The following CDK13 variants were observed in gnomAD, a reference collection of about 807,000 sequenced individuals.
CDK13 encodes cyclin dependent kinase 13.
In CDK13, 40 loss-of-function variants were observed where a neutral mutation model predicts 137.6. That is an observed-to-expected ratio of 0.29 (90% CI 0.23 to 0.38). The LOEUF (loss-of-function observed/expected upper bound fraction) is 0.38, where lower values mean the gene tolerates loss of function less well. Ranked by LOEUF, CDK13 falls within the 10% of genes least tolerant of loss-of-function variation. The pLI is 1.00. For synonymous variants in CDK13, 869 were observed against 760.1 expected, an observed-to-expected ratio of 1.14 and a Z score of -2.36; for missense variants, 1,704 against 1,951.8, an observed-to-expected ratio of 0.87 and a Z score of 2.39.
rs997041311 is a variant in CDK13, at chr7:40,021,150, C to T, written c.2353+19119C>T. On this transcript the variant is annotated intron_variant, in intron 5 of 13. Transcript: ENST00000181839. ...ACACACACACACACACACACACACA[C>T]ATAAAGTTTTAAGTCTGAAATTCCC... is the stretch of plus-strand genomic sequence containing the variant. 1.3e-4 allele frequency among the ~76,000 whole-genome samples: 19 copies of T among 150,560 alleles called. No individual in the cohort carries two copies. The South Asian group carries it at 1.9e-3, about 15-fold the overall frequency.
chr7:40,045,127 T>C (rs1413387987), intron 5 of CDK13, among the ~76,000 whole-genome samples: 1 of 152,182 alleles, frequency 6.6e-6, no homozygotes, highest in Admixed American at 6.5e-5. Context: ...GTCTTCGTGT[T>C]AGTTTTTCTG....
intron 1 of CDK13, among the ~76,000 whole-genome samples, chr7:39,976,762 A>C (rs1784121309): frequency 6.6e-6 from 1 of 152,310 alleles, no homozygotes; most frequent in East Asian, 1.9e-4. Flanking sequence ...ACCCTAAAAT[A>C]AAAGTTATGT....
At chr7:40,069,829 C>T (rs957540957) in intron 9 of CDK13, 2 of 152,194 alleles carry the variant, frequency 1.3e-5, no homozygotes, top group African/African-American at 4.8e-5. Context: ...TACCTATAAT[C>T]CCAGCACTTC....
At chr7:40,054,028 G>A (rs1010932297) in intron 7 of CDK13, among the ~76,000 whole-genome samples, 1 of 152,098 alleles carries the variant, frequency 6.6e-6, no homozygotes, top group African/African-American at 2.4e-5. Context: ...GTGCTTCTCT[G>A]GTAAGACTCT....
intron 5 of CDK13, among the ~76,000 whole-genome samples, chr7:40,042,845 C>T (rs987732790): frequency 6.6e-6 from 1 of 151,670 alleles, no homozygotes; most frequent in Non-Finnish European, 1.5e-5. Context: ...ATGCAGTGGC[C>T]CTGCAGCCAC....
chr7:40,092,331 G>A (rs1786943032), intron 12 of CDK13: 1 of 156,610 alleles, frequency 6.4e-6, no homozygotes, highest in Non-Finnish European at 1.4e-5. Context: ...CAAGTTGCTT[G>A]GTCTCTTTCG....
rs1192363832 is a variant in CDK13, at chr7:39,951,114, T to C, written c.473T>C (p.Leu158Pro). ...AGCTCCCAGTCCGAGCAGGGGCTGCTGCTGGGGGGGGCCAGCGCGGCAACG... is the reference window on the plus strand; with the variant it reads ...AGCTCCCAGTCCGAGCAGGGGCTGCCGCTGGGGGGGGCCAGCGCGGCAACG... ...DVSSQSEQGL[L>P]LGGASAATAA... Residue 158 changes from leucine to proline, a missense_variant, in exon 1 of 14, where the codon CTG (leucine) becomes CCG (proline). Leu to Pro is a moderately conservative substitution (Grantham distance 98). Around this residue, in one of 5 missense-constraint regions of CDK13, gnomAD observed 1,051 missense variants for 931.0 expected, o/e 1.13. Coordinates refer to ENST00000181839, the MANE Select transcript of CDK13 (RefSeq NM_003718.5). 2 of 1,245,264 alleles carry C rather than the reference T, an allele frequency of 1.6e-6. No homozygotes were observed. Among genetic ancestry groups the C allele is most frequent in the Non-Finnish European group, 2.0e-6 (2 of 995,808 alleles). 77.1% of individuals were successfully genotyped at this position (1,245,264 alleles called of 1,614,324 possible).
chr7:40,052,972 C>A (rs1267134748), intron 7 of CDK13, among the ~76,000 whole-genome samples: 1 of 152,076 alleles, frequency 6.6e-6, no homozygotes, highest in Non-Finnish European at 1.5e-5. Context: ...AAAAAAATTA[C>A]TAATAACAGA....
intron 1 of CDK13, among the ~76,000 whole-genome samples, chr7:39,971,567 T>G (rs1783999412): frequency 6.6e-6 from 1 of 150,748 alleles, no homozygotes; most frequent in Non-Finnish European, 1.5e-5. Flanking sequence ...TCTAGCAAAC[T>G]ATTCCTTCAG....
At chr7:40,062,497 G>C (rs980383167) in intron 7 of CDK13, 1 of 223,538 alleles carries the variant, frequency 4.5e-6, no homozygotes, top group Admixed American at 5.4e-5. Context: ...AGCCAGGATG[G>C]TCTCGATCTC....
At chr7:40,030,089 G>A (rs1282177616) in intron 5 of CDK13, among the ~76,000 whole-genome samples, 2 of 152,118 alleles carry the variant, frequency 1.3e-5, no homozygotes, top group African/African-American at 4.8e-5. Flanking sequence ...GGTCTCAAAA[G>A]CACTAGTAGC....
intron 1 of CDK13, among the ~76,000 whole-genome samples, chr7:39,968,023 A>T (rs909167307): frequency 5.3e-5 from 8 of 152,176 alleles, no homozygotes; most frequent in African/African-American, 1.7e-4. Flanking sequence ...TAATCACCAA[A>T]TCCAACTGTA....
chr7:40,017,126 T>C (rs1785021008), intron 5 of CDK13, among the ~76,000 whole-genome samples: 1 of 152,184 alleles, frequency 6.6e-6, no homozygotes, highest in Non-Finnish European at 1.5e-5. Context: ...TGCCATGATA[T>C]AGCCACTTAA....
Position 40,053,776 on chromosome 7 carries a change from A to C in CDK13, c.2600+5899A>C, listed in dbSNP as rs190617077. Among the ~76,000 whole-genome samples, 205 of 151,862 alleles carry C rather than the reference A, an allele frequency of 1.3e-3. 1 individual carries two copies. The highest frequency in any genetic ancestry group is 4.8e-3 in the African/African-American group (197 of 41,358). ...ATTTTTCTTTTTTTTTTTTAAGAAA[A>C]AGAAGGGAAAAGGAAAGAACAAACT... is the stretch of plus-strand genomic sequence containing the variant. On this transcript the variant is annotated intron_variant, in intron 7 of 13. Transcript: ENST00000181839.
intron 5 of CDK13, among the ~76,000 whole-genome samples, chr7:40,033,838 G>C (rs904859248): frequency 2.0e-5 from 3 of 152,144 alleles, no homozygotes; most frequent in Non-Finnish European, 4.4e-5. Context: ...GTACTTCTAA[G>C]TTTTGGTTTT....
chr7:39,960,466 C>G (rs1385241759), intron 1 of CDK13, among the ~76,000 whole-genome samples: 1 of 151,964 alleles, frequency 6.6e-6, no homozygotes, highest in Non-Finnish European at 1.5e-5. Context: ...ATCATTTTAC[C>G]CAGGATGGTC....
intron 13 of CDK13, 28 bp downstream of exon 13, chr7:40,093,265 C>A (rs2150547747): frequency 6.5e-7 from 1 of 1,532,618 alleles, no homozygotes. Context: ...AGACCACTAA[C>A]ACAGCTGCAT....
At chr7:39,963,456 A>G (rs1783795957) in intron 1 of CDK13, among the ~76,000 whole-genome samples, 1 of 151,918 alleles carries the variant, frequency 6.6e-6, no homozygotes, top group African/African-American at 2.4e-5. Flanking sequence ...AATGCTTGTA[A>G]TTTTTGTACA....
At chr7:40,004,488 C>A (rs1053387017) in intron 5 of CDK13, among the ~76,000 whole-genome samples, 1 of 152,188 alleles carries the variant, frequency 6.6e-6, no homozygotes, top group Admixed American at 6.5e-5. Context: ...AAATTTAAAA[C>A]ATAATTATTT....
Sources: gnomAD v4.1 joint callset for allele counts (sites outside exome capture counted in the v4.1 genomes callset) on GRCh38, gnomAD v4.1.1 for gene constraint, gnomAD v4.1.1 regional missense constraint, MANE v1.5 for transcripts, NCBI Gene and HGNC (gene_info 2026-07-23, HGNC 2026-07-21) for gene names.